NLRP5: variants seen among roughly 807,000 people sequenced by gnomAD.
The protein encoded by NLRP5 is NLR family pyrin domain containing 5, also known as NACHT, LRR and PYD domains-containing protein 5.
In NLRP5, 93 loss-of-function variants were observed where a neutral mutation model predicts 113.1. The observed-to-expected ratio is 0.82, with a 90% CI of 0.70 to 0.98. The LOEUF (loss-of-function observed/expected upper bound fraction) is 0.98. Ranked by LOEUF, NLRP5 falls within the 50% of genes least tolerant of loss-of-function variation. NLRP5 has a pLI of 0.00. For synonymous variants in NLRP5, 751 were observed against 600.7 expected (o/e 1.25, Z -3.66); for missense variants, 1,808 against 1,514.3 (o/e 1.19, Z -3.22).
intron 2 of NLRP5, among the ~76,000 whole-genome samples, chr19:56,004,762 A>G (rs1333459384): frequency 6.6e-6 from 1 of 152,064 alleles, no homozygotes; most frequent in Non-Finnish European, 1.5e-5. Flanking sequence ...TAGACTGAAA[A>G]CAAATCCCTT....
At position 56,041,094 on chromosome 19, in the gene NLRP5, T is replaced by G; in HGVS notation, c.2957+2T>G. The G allele has an allele frequency of 3.1e-6, 5 of 1,613,598 alleles. No homozygotes were observed. The highest frequency in any genetic ancestry group is 4.2e-6 in the Non-Finnish European group (5 of 1,179,638). Reference sequence around the variant, plus strand: ...CCACTGTAGTCTGCAGAGGCTGATGTGAGTCTGGCTTGCTCCCCTGCAAGG... The same window carrying G: ...CCACTGTAGTCTGCAGAGGCTGATGGGAGTCTGGCTTGCTCCCCTGCAAGG... On this transcript the variant is annotated splice_donor_variant, in intron 11 of 14. Coordinates refer to ENST00000390649, the MANE Select transcript of NLRP5 (RefSeq NM_153447.4). LOFTEE classifies it high-confidence loss of function.
chr19:55,988,029 A>G, the NLRP5 span: 1 of 738,326 alleles, frequency 1.4e-6, no homozygotes, highest in South Asian at 1.6e-5. Flanking sequence ...AAACAGAGCA[A>G]CCCAGTCAAC....
chr19:56,035,273 G>A (rs1022096908), intron 9 of NLRP5, among the ~76,000 whole-genome samples: 1 of 152,214 alleles, frequency 6.6e-6, no homozygotes, highest in East Asian at 1.9e-4. Flanking sequence ...AACTAACATC[G>A]AAGAATAGTA....
intron 13 of NLRP5, among the ~76,000 whole-genome samples, chr19:56,056,647 T>G (rs1289472590): frequency 6.6e-6 from 1 of 152,214 alleles, no homozygotes; most frequent in Non-Finnish European, 1.5e-5. Flanking sequence ...CAATCATCCG[T>G]GTGCAGCACC....
At chr19:55,987,238 C>T in the NLRP5 span, among the ~76,000 whole-genome samples, 1,056 of 152,308 alleles carry the variant, frequency 6.9e-3, 9 homozygotes, top group Non-Finnish European at 0.012. Context: ...GGCGTGGTGG[C>T]ATGTGCCTAT....
At chr19:56,049,975 G>A (rs11880713) in intron 11 of NLRP5, among the ~76,000 whole-genome samples, 75,862 of 151,800 alleles carry the variant, frequency 0.5, 19,286 homozygotes, top group African/African-American at 0.58. Flanking sequence ...GGTAGGTTCT[G>A]TCAGAGGGAA....
intron 11 of NLRP5, among the ~76,000 whole-genome samples, chr19:56,046,064 C>T (rs1287136019): frequency 6.6e-6 from 1 of 152,158 alleles, no homozygotes; most frequent in East Asian, 1.9e-4. Context: ...AACTTTTCCC[C>T]ATTCAGTATT....
chr19:56,027,696 G>A lies in NLRP5; in HGVS notation c.1463G>A (p.Gly488Glu), dbSNP rs79004625. 25 of 1,613,490 alleles carry A rather than the reference G, an allele frequency of 1.5e-5. No individual in the cohort carries two copies. In the East Asian group the frequency reaches 5.1e-4, roughly 33 times the overall value. Residue 488 changes from glycine (G) to glutamate (E), a missense_variant, in exon 7 of 15, where the codon GGG becomes GAG. By Grantham distance (98) the Gly-to-Glu change is moderately conservative. Transcript: ENST00000390649. Reference sequence around the variant, plus strand: ...GCCCTGCAGCTGCAGGACGTGGTGGGGGAGAGCGTCGCCCCCTTCAACCAA... The same window carrying A: ...GCCCTGCAGCTGCAGGACGTGGTGGAGGAGAGCGTCGCCCCCTTCAACCAA...
chr19:56,013,183 T>C (rs1429262168), intron 3 of NLRP5, among the ~76,000 whole-genome samples: 1 of 152,066 alleles, frequency 6.6e-6, no homozygotes, highest in Non-Finnish European at 1.5e-5. Context: ...TCATTTAACA[T>C]AATGTTTTTG....
intron 1 of NLRP5, among the ~76,000 whole-genome samples, chr19:56,000,117 A>G (rs1468165821): frequency 6.6e-6 from 1 of 151,606 alleles, no homozygotes; most frequent in Non-Finnish European, 1.5e-5. Flanking sequence ...TTTCAATGAC[A>G]GTTGTCCAGG....
intron 1 of NLRP5, among the ~76,000 whole-genome samples, chr19:56,000,650 C>T (rs1981610166): frequency 6.6e-6 from 1 of 151,928 alleles, no homozygotes; most frequent in African/African-American, 2.4e-5. Context: ...AGACGTGAGC[C>T]ACTGCGCTCA....
At chr19:56,032,909 T>A in intron 8 of NLRP5, 128 bp downstream of exon 8, 2 of 932,038 alleles carry the variant, frequency 2.1e-6, no homozygotes, top group Non-Finnish European at 3.2e-6. Context: ...ACCAAAGGTG[T>A]AGGAACCAAG....
At chr19:56,047,201 C>T (rs1226831962) in intron 11 of NLRP5, among the ~76,000 whole-genome samples, 4 of 152,076 alleles carry the variant, frequency 2.6e-5, no homozygotes, top group Admixed American at 2.0e-4. Flanking sequence ...CTTTTTGTTT[C>T]ATTTATCTTT....
intron 3 of NLRP5, among the ~76,000 whole-genome samples, chr19:56,012,089 A>G (rs1185959841): frequency 6.6e-6 from 1 of 152,118 alleles, no homozygotes; most frequent in South Asian, 2.1e-4. Flanking sequence ...TGCTCAAGAC[A>G]TAGCTCCTAA....
chr19:56,041,542 C>G (rs1009563373), intron 11 of NLRP5, among the ~76,000 whole-genome samples: 1 of 152,138 alleles, frequency 6.6e-6, no homozygotes, highest in Non-Finnish European at 1.5e-5. Flanking sequence ...CCAACGGCAC[C>G]GTGACTCGTG....
the NLRP5 span, among the ~76,000 whole-genome samples, chr19:55,989,983 C>G: frequency 6.6e-6 from 1 of 151,092 alleles, no homozygotes; most frequent in African/African-American, 2.4e-5. Flanking sequence ...CCTCACATGT[C>G]AAACGTAGTA....
chr19:55,993,305 G>A, the NLRP5 span, among the ~76,000 whole-genome samples: 1 of 148,472 alleles, frequency 6.7e-6, no homozygotes, highest in African/African-American at 2.5e-5. Flanking sequence ...TTCACCTGCA[G>A]TGCTGCAGAA....
At chr19:56,029,386 C>T (rs1983005795) in intron 7 of NLRP5, among the ~76,000 whole-genome samples, 1 of 152,100 alleles carries the variant, frequency 6.6e-6, no homozygotes, top group African/African-American at 2.4e-5. Context: ...CCTGACTCAG[C>T]CTCTCAAGTA....
intron 9 of NLRP5, among the ~76,000 whole-genome samples, chr19:56,036,055 A>ATTTTTTTTTTTTTTTTTTTTT (rs1261118713): frequency 1.1e-5 from 1 of 90,584 alleles, no homozygotes; most frequent in African/African-American, 4.9e-5. Context: ...ATGAATTGAG[A>ATTTTTTTTTTTTTTTTTTTTT]TTCTTTTTTT....
Sources: allele counts gnomAD v4.1 joint callset (sites outside exome capture counted in the v4.1 genomes callset), GRCh38; gene constraint gnomAD v4.1.1; transcripts MANE v1.5; gene names NCBI Gene and HGNC (gene_info 2026-07-23, HGNC 2026-07-21).